KCNN2: variants seen among roughly 807,000 people sequenced by gnomAD.
KCNN2 encodes small conductance calcium-activated potassium channel protein 2.
Under a neutral mutation model 55.5 loss-of-function variants are expected in KCNN2, and 24 were observed. The ratio of observed to expected loss-of-function variants is 0.43; its 90% CI spans 0.31 to 0.61. The LOEUF (loss-of-function observed/expected upper bound fraction) is 0.61, where lower values mean the gene tolerates loss of function less well. KCNN2 is among the 20% of genes least tolerant of loss of function. KCNN2 has a pLI of 0.08. For missense variants in KCNN2, 754 were observed against 853.6 expected (o/e 0.88, Z 1.45); for synonymous variants, 431 against 336.1 (o/e 1.28, Z -3.09).
rs1445397515 is a variant in KCNN2 at position 114,404,521 on chromosome 5, G to T, written c.1302G>T (p.Leu434=). The T allele has an allele frequency of 6.2e-7, 1 of 1,613,450 alleles. No homozygotes were observed. The highest frequency in any genetic ancestry group is 1.1e-5 in the South Asian group (1 of 91,066). Residue 434 remains leucine (L), a synonymous_variant, in exon 3 of 8, where the codon CTG becomes CTT. Coordinates refer to ENST00000673685, the MANE Select transcript of KCNN2 (RefSeq NM_021614.4). ...ERIFFICLEI[L]VCAIHPIPGN... ...TTTTCTTCATCTGCTTGGAAATACT[G>T]GTGTGTGCTATTCATCCCATACCTG...
chr5:114,257,777 A>G (rs1490276167), intron 2 of KCNN2, among the ~76,000 whole-genome samples: 3 of 152,072 alleles, frequency 2.0e-5, no homozygotes, highest in Non-Finnish European at 2.9e-5. Flanking sequence ...TCTAGGTATA[A>G]GCTTATATCA....
chr5:114,496,198 C>A lies in KCNN2; in HGVS notation c.*16C>A. ...GAGTAGCTAGAAGAGAATAAGTTAACCACAAAATAAGACTTTTTGCCATCA... is the reference window on the plus strand; with the variant it reads ...GAGTAGCTAGAAGAGAATAAGTTAAACACAAAATAAGACTTTTTGCCATCA... On this transcript the variant is annotated 3_prime_UTR_variant, in exon 8 of 8. Coordinates refer to ENST00000673685, the MANE Select transcript of KCNN2 (RefSeq NM_021614.4). 6.2e-7 allele frequency: 1 copy of A among 1,610,374 alleles called. No homozygotes were observed. The highest frequency in any genetic ancestry group is 8.5e-7 in the Non-Finnish European group (1 of 1,177,780).
chr5:114,109,821 C>T (rs537019234), intron 1 of KCNN2, among the ~76,000 whole-genome samples: 38 of 151,980 alleles, frequency 2.5e-4, no homozygotes, highest in African/African-American at 1.7e-4. Context: ...TCTGTCAAGG[C>T]GTGGGGATTT....
At chr5:114,260,396 C>G (rs1010114834) in intron 2 of KCNN2, among the ~76,000 whole-genome samples, 20 of 152,174 alleles carry the variant, frequency 1.3e-4, no homozygotes, top group African/African-American at 4.6e-4. Context: ...TTTCTTTTGT[C>G]TGGGATAGTT....
At chr5:114,213,642 C>G (rs186570272) in intron 1 of KCNN2, among the ~76,000 whole-genome samples, 2 of 151,934 alleles carry the variant, frequency 1.3e-5, no homozygotes, top group Non-Finnish European at 2.9e-5. Flanking sequence ...CTTTTTCATT[C>G]CCAGCAATGG....
At chr5:114,226,596 A>G (rs1396312997) in intron 2 of KCNN2, among the ~76,000 whole-genome samples, 1 of 152,160 alleles carries the variant, frequency 6.6e-6, no homozygotes, top group East Asian at 1.9e-4. Context: ...AAAGTTATTA[A>G]GCAACTGTCA....
At chr5:114,125,658 G>C (rs1023070930) in intron 1 of KCNN2, among the ~76,000 whole-genome samples, 1 of 152,166 alleles carries the variant, frequency 6.6e-6, no homozygotes, top group African/African-American at 2.4e-5. Context: ...AAGTACCATG[G>C]ATGTGGTGAT....
chr5:114,096,181 A>G (rs946352855), intron 1 of KCNN2, among the ~76,000 whole-genome samples: 1 of 152,136 alleles, frequency 6.6e-6, no homozygotes, highest in Non-Finnish European at 1.5e-5. Flanking sequence ...GATATTGGCT[A>G]TGAATCTCAA....
At chr5:114,463,227 G>T (rs774736755) in intron 4 of KCNN2, 37 bp downstream of exon 4, 2 of 1,566,646 alleles carry the variant, frequency 1.3e-6, no homozygotes, top group East Asian at 2.3e-5. Context: ...TTTTATTTAC[G>T]CTCAAGAAGG....
chr5:114,409,784 A>G (rs1413551670), intron 3 of KCNN2, among the ~76,000 whole-genome samples: 2 of 152,134 alleles, frequency 1.3e-5, no homozygotes, highest in African/African-American at 4.8e-5. Flanking sequence ...AGAGCATCCT[A>G]TGGGAGGCAT....
At chr5:114,286,172 A>G (rs1459224468) in intron 2 of KCNN2, among the ~76,000 whole-genome samples, 2 of 152,164 alleles carry the variant, frequency 1.3e-5, no homozygotes, top group South Asian at 2.1e-4. Flanking sequence ...ATTTAGCTTC[A>G]GGAAGGAGAA....
intron 4 of KCNN2, among the ~76,000 whole-genome samples, chr5:114,467,932 A>G (rs1761532195): frequency 6.6e-6 from 1 of 152,132 alleles, no homozygotes; most frequent in African/African-American, 2.4e-5. Context: ...ATTGTTGATG[A>G]CCAGTTTTAT....
intron 1 of KCNN2, among the ~76,000 whole-genome samples, chr5:114,117,038 G>T (rs966881415): frequency 3.3e-5 from 5 of 152,042 alleles, no homozygotes; most frequent in African/African-American, 4.8e-5. Flanking sequence ...CCTTCACAAT[G>T]GTAGACATTT....
At chr5:114,079,323 A>G (rs1342043700) in intron 1 of KCNN2, among the ~76,000 whole-genome samples, 1 of 152,248 alleles carries the variant, frequency 6.6e-6, no homozygotes, top group Non-Finnish European at 1.5e-5. Context: ...GGCAAGCAAC[A>G]AATATAATAT....
chr5:114,354,691 C>CAA (rs1757267742), intron 2 of KCNN2, among the ~76,000 whole-genome samples: 1 of 151,978 alleles, frequency 6.6e-6, no homozygotes, highest in Non-Finnish European at 1.5e-5. Context: ...GTGAAAGTAT[C>CAA]CAATAGTTTC....
chr5:114,266,639 T>C (rs1755211660), intron 2 of KCNN2, among the ~76,000 whole-genome samples: 1 of 152,268 alleles, frequency 6.6e-6, no homozygotes, highest in Middle Eastern at 3.4e-3. Flanking sequence ...AAGCCACAGT[T>C]ACTGTTCCCT....
intron 2 of KCNN2, among the ~76,000 whole-genome samples, chr5:114,269,868 T>C (rs1208866355): frequency 6.6e-6 from 1 of 152,192 alleles, no homozygotes; most frequent in Non-Finnish European, 1.5e-5. Flanking sequence ...AATGTCTGCA[T>C]ATTAATTTAA....
At chr5:114,079,917 A>G (rs1750772006) in intron 1 of KCNN2, among the ~76,000 whole-genome samples, 2 of 151,936 alleles carry the variant, frequency 1.3e-5, no homozygotes, top group South Asian at 4.1e-4. Context: ...TAGGAACTTC[A>G]TATGTAACTT....
chr5:114,073,605 A>T (rs553815061), intron 1 of KCNN2, among the ~76,000 whole-genome samples: 2 of 152,234 alleles, frequency 1.3e-5, no homozygotes, highest in South Asian at 4.1e-4. Flanking sequence ...CCTCATCCCC[A>T]CAGTCTCTTC....
Sources: gnomAD v4.1 joint callset for allele counts (sites outside exome capture counted in the v4.1 genomes callset) on GRCh38, gnomAD v4.1.1 for gene constraint, MANE v1.5 for transcripts, NCBI Gene and HGNC (gene_info 2026-07-23, HGNC 2026-07-21) for gene names.